GLIPR1: variants seen among roughly 807,000 people sequenced by gnomAD.
GLIPR1 encodes GLI pathogenesis related 1, also known as glioma pathogenesis-related protein 1.
Under a neutral mutation model 30.3 loss-of-function variants are expected in GLIPR1, and 38 were observed. The ratio of observed to expected loss-of-function variants is 1.26; its 90% CI spans 0.97 to 1.65. The LOEUF is 1.65. Among genes scored for constraint, GLIPR1 ranks in the 40% most tolerant of loss-of-function variants. GLIPR1 has a pLI of 0.00. For missense variants in GLIPR1, 285 were observed against 326.5 expected (o/e 0.87, Z 0.98); for synonymous variants, 122 against 110.6 (o/e 1.10, Z -0.65).
chr12:75,487,336 AT>A (rs2046297983), intron 2 of GLIPR1, among the ~76,000 whole-genome samples: 1 of 152,238 alleles, frequency 6.6e-6, no homozygotes, highest in Non-Finnish European at 1.5e-5. Context: ...GAGATATAGA[AT>A]AAAATTAAGA....
At position 75,498,862 on chromosome 12, in the gene GLIPR1, C is replaced by G; in HGVS notation, c.685C>G (p.Pro229Ala). 1 of 1,611,042 alleles carries G rather than the reference C, an allele frequency of 6.2e-7. No individual in the cohort carries two copies. Among genetic ancestry groups the G allele is most frequent in the Non-Finnish European group, 8.5e-7 (1 of 1,177,590 alleles). The change falls in exon 6 of 6, where the codon CCA becomes GCA. Residue 229 changes from proline (P) to alanine (A), a missense_variant. By Grantham distance (27) the Pro-to-Ala change is conservative. Transcript: ENST00000266659. The part of the protein sequence containing the change: ...SVVYPGWPIY[P>A]RNRYTSLFLI... ...TGTATATCCAGGCTGGCCCATATAT[C>G]CACGTAACAGATACACTTCTCTCTT...
intron 1 of GLIPR1, chr12:75,481,419 T>C (rs114799369): frequency 4.4e-4 from 97 of 219,558 alleles, no homozygotes; most frequent in African/African-American, 1.0e-3. Flanking sequence ...AGTACTGAGT[T>C]GCTCAGGTAG....
In GLIPR1 at chr12:75,490,477, T is replaced by C. The variant is rs1380926289; in HGVS notation, c.492T>C (p.Ala164=). The C allele has an allele frequency of 6.3e-7, 1 of 1,595,460 alleles. No homozygotes were observed. The highest frequency in any genetic ancestry group is 8.6e-7 in the Non-Finnish European group (1 of 1,168,254). Residue 164 remains alanine (A), a synonymous_variant, in exon 3 of 6, where the codon GCT becomes GCC. Coordinates refer to ENST00000266659, the MANE Select transcript of GLIPR1 (RefSeq NM_006851.3). Reference sequence around the variant, plus strand: ...GCCCTAAAGTTTCTGGCTTTGACGCTCTTTCCAATGGAGCACATTTTATAT... The same window carrying C: ...GCCCTAAAGTTTCTGGCTTTGACGCCCTTTCCAATGGAGCACATTTTATAT... The part of the protein sequence containing the change: ...QFCPKVSGFD[A]LSNGAHFICN...
At chr12:75,485,254 C>G (rs983754480) in intron 2 of GLIPR1, among the ~76,000 whole-genome samples, 1 of 152,152 alleles carries the variant, frequency 6.6e-6, no homozygotes, top group Non-Finnish European at 1.5e-5. Context: ...TATGATATTT[C>G]TTGATGTATT....
chr12:75,485,778 C>T (rs1008561093), intron 2 of GLIPR1, among the ~76,000 whole-genome samples: 3 of 152,030 alleles, frequency 2.0e-5, no homozygotes, highest in Non-Finnish European at 4.4e-5. Flanking sequence ...TCTCGATCTC[C>T]TGACCTCGTG....
rs1303379533 is a variant in GLIPR1 at position 75,485,611 on chromosome 12, C to T, written c.420+3532C>T. Among the ~76,000 whole-genome samples, 7 of 149,568 alleles carry T rather than the reference C, an allele frequency of 4.7e-5. No individual in the cohort carries two copies. The East Asian group carries it at 1.4e-3, about 29-fold the overall frequency. On this transcript the variant is annotated intron_variant, in intron 2 of 5. Coordinates refer to ENST00000266659, the MANE Select transcript of GLIPR1 (RefSeq NM_006851.3). ...TGTCGCCCAGGCTGGAGTGCAGTGG[C>T]GGGATCTCGGCTCACTGCAAGCTCC...
At position 75,490,654 on chromosome 12, in the gene GLIPR1, C is replaced by T. The variant is rs1393429251; in HGVS notation, c.533+136C>T. The T allele has an allele frequency of 1.2e-5, 7 of 567,242 alleles. 1 individual carries two copies. In the East Asian group the frequency reaches 1.5e-4, roughly 12 times the overall value. The allele number at this position is 567,242 out of a possible 1,614,324, so 35.1% of individuals were successfully genotyped here. A position where few individuals can be genotyped will look rare whatever the true frequency, so the allele number is the denominator to read the frequency against. On this transcript the variant is annotated intron_variant, in intron 3 of 5. Transcript: ENST00000266659. ...GGATAAAGTATAAATAAAAAATTAACATAACCTTTAATTCTTCTGCCCAGA... is the reference window on the plus strand; with the variant it reads ...GGATAAAGTATAAATAAAAAATTAATATAACCTTTAATTCTTCTGCCCAGA...
chr12:75,489,492 A>G (rs2046309955), intron 2 of GLIPR1, among the ~76,000 whole-genome samples: 1 of 152,054 alleles, frequency 6.6e-6, no homozygotes, highest in African/African-American at 2.4e-5. Context: ...TCTTCACTTG[A>G]TATCTAATAG....
At position 75,499,870 on chromosome 12, in the gene GLIPR1, G is replaced by GT. The variant is rs767019043; in HGVS notation, c.*893dup. ...CATCTTAAGTGCAATTTCTTCAGCT[G>GT]TAAGAGCTCCCAGTTTCTTATTCTT... is the stretch of plus-strand genomic sequence containing the variant. On this transcript the variant is annotated 3_prime_UTR_variant, in exon 6 of 6. Transcript: ENST00000266659. The GT allele has an allele frequency of 3.1e-6, 5 of 1,608,576 alleles. No individual in the cohort carries two copies. The South Asian group carries it at 5.5e-5, about 18-fold the overall frequency.
chr12:75,481,075 T>C (rs1175129597), intron 1 of GLIPR1, 21 bp downstream of exon 1: 1 of 1,583,476 alleles, frequency 6.3e-7, no homozygotes, highest in Non-Finnish European at 8.6e-7. Flanking sequence ...TATCATTAAT[T>C]GTGGCGTCAG....
In GLIPR1 at chr12:75,480,779, C is replaced by T; in HGVS notation, c.-102C>T. 1 of 800,856 alleles carries T rather than the reference C, an allele frequency of 1.2e-6. No individual in the cohort carries two copies. The highest frequency in any genetic ancestry group is 2.0e-6 in the Non-Finnish European group (1 of 501,614). The allele number at this position is 800,856 out of a possible 1,614,324, so 49.6% of individuals were successfully genotyped here. On this transcript the variant is annotated 5_prime_UTR_variant, in exon 1 of 6. Coordinates refer to ENST00000266659, the MANE Select transcript of GLIPR1 (RefSeq NM_006851.3). ...TCTGTTTTCTCAAAGCTGAAGTCGGCTAGGTTTGCAAAGCTGTGGGCTGAG... is the reference window on the plus strand; with the variant it reads ...TCTGTTTTCTCAAAGCTGAAGTCGGTTAGGTTTGCAAAGCTGTGGGCTGAG...
chr12:75,488,977 A>T (rs2046306563), intron 2 of GLIPR1, among the ~76,000 whole-genome samples: 1 of 152,210 alleles, frequency 6.6e-6, no homozygotes, highest in African/African-American at 2.4e-5. Context: ...AATTGCTCAA[A>T]AACTTATGAG....
At chr12:75,490,582 AC>A (rs749270345) in intron 3 of GLIPR1, 64 bp downstream of exon 3, 9,442 of 127,012 alleles carry the variant, frequency 0.074, 2,486 homozygotes, top group African/African-American at 0.35. Context: ...AAAAACAACA[AC>A]AAAAAAAAAC....
At chr12:75,488,059 A>C (rs1001359076) in intron 2 of GLIPR1, among the ~76,000 whole-genome samples, 2 of 152,096 alleles carry the variant, frequency 1.3e-5, no homozygotes, top group African/African-American at 4.8e-5. Flanking sequence ...CCAGAGTCAC[A>C]CTCATCGCCA....
At position 75,501,737 on chromosome 12, in the gene GLIPR1, A is replaced by G. The variant is rs753534788; in HGVS notation, c.*2759A>G. ...GAAAGCATTACCTTCCTTAGGTTTCACAATTGGTTTTTCCTTAGGTGGAAT... is the reference window on the plus strand; with the variant it reads ...GAAAGCATTACCTTCCTTAGGTTTCGCAATTGGTTTTTCCTTAGGTGGAAT... On this transcript the variant is annotated 3_prime_UTR_variant, in exon 6 of 6. Coordinates refer to ENST00000266659, the MANE Select transcript of GLIPR1 (RefSeq NM_006851.3). 2 of 1,606,092 alleles carry G rather than the reference A, an allele frequency of 1.2e-6. No homozygotes were observed. Among genetic ancestry groups the G allele is most frequent in the East Asian group, 2.2e-5 (1 of 44,724 alleles).
At position 75,499,771 on chromosome 12, in the gene GLIPR1, C is replaced by A. The variant is rs946210667; in HGVS notation, c.*793C>A. The A allele has an allele frequency of 2.7e-6, 4 of 1,486,674 alleles. No individual in the cohort carries two copies. The highest frequency in any genetic ancestry group is 3.6e-6 in the Non-Finnish European group (4 of 1,110,554). 92.1% of individuals were successfully genotyped at this position (1,486,674 alleles called of 1,614,324 possible). Reference sequence around the variant, plus strand: ...ATGCCTGATATCTCAAAATCCTTTACAAAAGGAGATAGTTCTAGTCAAGGA... The same window carrying A: ...ATGCCTGATATCTCAAAATCCTTTAAAAAAGGAGATAGTTCTAGTCAAGGA... On this transcript the variant is annotated 3_prime_UTR_variant, in exon 6 of 6. Coordinates refer to ENST00000266659, the MANE Select transcript of GLIPR1 (RefSeq NM_006851.3).
Position 75,502,647 on chromosome 12 carries a change from C to T in GLIPR1, c.*3669C>T, listed in dbSNP as rs2046402785. The stretch of plus-strand genomic sequence containing the variant: ...AACAATTCTTTAAGATAGGTATTAC[C>T]ATTACTCCCACTTTAGGTATGGGGA... On this transcript the variant is annotated 3_prime_UTR_variant, in exon 6 of 6. Transcript: ENST00000266659. The T allele has an allele frequency of 6.6e-6, 1 of 151,930 alleles. No individual in the cohort carries two copies. The highest frequency in any genetic ancestry group is 1.5e-5 in the Non-Finnish European group (1 of 67,956). 9.4% of individuals were successfully genotyped at this position (151,930 alleles called of 1,614,324 possible). A position where few individuals can be genotyped will look rare whatever the true frequency, so the allele number is the denominator to read the frequency against.
chr12:75,498,104 G>A (rs1005280044), intron 4 of GLIPR1: 1 of 152,324 alleles, frequency 6.6e-6, no homozygotes, highest in Admixed American at 6.5e-5. Flanking sequence ...TGTGGAAAAG[G>A]TTTCTATTTT....
chr12:75,481,146 ATT>A, intron 1 of GLIPR1, 92 bp downstream of exon 1: 1 of 874,350 alleles, frequency 1.1e-6, no homozygotes, highest in Non-Finnish European at 1.7e-6. Flanking sequence ...ATACTGAATG[ATT>A]TTTTTTTCAT....
Sources: gnomAD v4.1 joint callset for allele counts (sites outside exome capture counted in the v4.1 genomes callset) on GRCh38, gnomAD v4.1.1 for gene constraint, MANE v1.5 for transcripts, NCBI Gene and HGNC (gene_info 2026-07-23, HGNC 2026-07-21) for gene names.